The following DPP10 variants were observed in gnomAD, a reference collection of about 807,000 sequenced individuals.
DPP10 encodes dipeptidyl peptidase like 10.
Under a neutral mutation model 120.9 loss-of-function variants are expected in DPP10, and 33 were observed. The ratio of observed to expected loss-of-function variants is 0.27; its 90% confidence interval spans 0.21 to 0.37. The LOEUF is 0.37. Ranked by LOEUF, DPP10 falls within the 10% of genes least tolerant of loss-of-function variation. The probability of loss-of-function intolerance (pLI) is 1.00; values close to 1 mark genes in which losing one functional copy is unlikely to be tolerated. For missense variants in DPP10, 816 were observed against 942.8 expected (o/e 0.87, Z 1.76); for synonymous variants, 337 against 326.1 (o/e 1.03, Z -0.36).
intron 1 of DPP10, among the ~76,000 whole-genome samples, chr2:115,116,959 C>CAT (rs2049543430): frequency 6.6e-6 from 1 of 152,190 alleles, no homozygotes; most frequent in African/African-American, 2.4e-5. Flanking sequence ...ACTAATAGAA[C>CAT]ATATATATGA....
intron 1 of DPP10, among the ~76,000 whole-genome samples, chr2:114,647,257 G>A (rs1696211200): frequency 6.6e-6 from 1 of 152,158 alleles, no homozygotes; most frequent in South Asian, 2.1e-4. Context: ...TTGGGTGTAG[G>A]GGGAGAAAGA....
chr2:115,591,312 C>G (rs2082646883), intron 5 of DPP10, among the ~76,000 whole-genome samples: 2 of 152,132 alleles, frequency 1.3e-5, no homozygotes, highest in Non-Finnish European at 2.9e-5. Flanking sequence ...AGTGTTTAAT[C>G]CATCTTGAAT....
intron 5 of DPP10, among the ~76,000 whole-genome samples, chr2:115,565,789 G>GTT (rs772616101): frequency 6.3e-5 from 7 of 111,088 alleles, no homozygotes; most frequent in Non-Finnish European, 9.8e-5. Flanking sequence ...GTTTTTTTTT[G>GTT]TTTTTTTTTT....
At chr2:115,430,860 G>A (rs969244340) in intron 3 of DPP10, among the ~76,000 whole-genome samples, 1 of 152,166 alleles carries the variant, frequency 6.6e-6, no homozygotes, top group South Asian at 2.1e-4. Flanking sequence ...TATTTGACAA[G>A]TAGGACTTAA....
At chr2:115,834,746 T>G (rs947465967) in intron 21 of DPP10, among the ~76,000 whole-genome samples, 1 of 152,200 alleles carries the variant, frequency 6.6e-6, no homozygotes, top group African/African-American at 2.4e-5. Flanking sequence ...TCCTTTACTC[T>G]TCATGAGTTT....
intron 3 of DPP10, among the ~76,000 whole-genome samples, chr2:115,483,225 A>G (rs2075547883): frequency 6.6e-6 from 1 of 152,104 alleles, no homozygotes; most frequent in Non-Finnish European, 1.5e-5. Flanking sequence ...TTCATTTTTA[A>G]TATGTATTAT....
At chr2:115,501,461 C>A (rs891876107) in intron 4 of DPP10, among the ~76,000 whole-genome samples, 1 of 152,010 alleles carries the variant, frequency 6.6e-6, no homozygotes, top group Non-Finnish European at 1.5e-5. Flanking sequence ...TGTGTTATAT[C>A]TTTTTAAATC....
chr2:114,896,214 C>T (rs1459663252), intron 1 of DPP10, among the ~76,000 whole-genome samples: 10 of 152,154 alleles, frequency 6.6e-5, no homozygotes, highest in African/African-American at 7.2e-5. Context: ...CTTGGCGATG[C>T]GGGCTCTTTT....
intron 3 of DPP10, among the ~76,000 whole-genome samples, chr2:115,384,658 A>G (rs28832941): frequency 3.7e-4 from 48 of 128,414 alleles, no homozygotes; most frequent in African/African-American, 1.1e-3. Flanking sequence ...AGAAGAAGGA[A>G]GAAGAAGAAG....
At chr2:114,993,931 C>G (rs913075642) in intron 1 of DPP10, among the ~76,000 whole-genome samples, 2 of 152,076 alleles carry the variant, frequency 1.3e-5, no homozygotes, top group South Asian at 2.1e-4. Flanking sequence ...CCTTGAATAG[C>G]CTTTCCGTCA....
intron 1 of DPP10, among the ~76,000 whole-genome samples, chr2:114,598,512 A>G (rs757745655): frequency 3.3e-5 from 5 of 151,914 alleles, no homozygotes; most frequent in Non-Finnish European, 5.9e-5. Flanking sequence ...AAAGAATGCC[A>G]ACACTTAATA....
intron 1 of DPP10, among the ~76,000 whole-genome samples, chr2:115,012,094 G>C (rs1259491333): frequency 6.6e-6 from 1 of 152,042 alleles, no homozygotes; most frequent in African/African-American, 2.4e-5. Context: ...ATTGGACTGA[G>C]AACCACACCC....
At chr2:114,545,711 G>A (rs895797535) in intron 1 of DPP10, among the ~76,000 whole-genome samples, 39 of 152,084 alleles carry the variant, frequency 2.6e-4, no homozygotes, top group Admixed American at 1.9e-3. Flanking sequence ...TTTTTCAGCC[G>A]CTTGTGGTGT....
chr2:115,836,829 C>A, intron 24 of DPP10, 83 bp downstream of exon 24: 2 of 1,238,230 alleles, frequency 1.6e-6, no homozygotes, highest in Non-Finnish European at 2.3e-6. Context: ...TTACAGGAAG[C>A]CCTGTAAACC....
At chr2:115,162,106 A>T (rs1185013819) in intron 1 of DPP10, 2 of 1,508,884 alleles carry the variant, frequency 1.3e-6, no homozygotes, top group Non-Finnish European at 1.8e-6. Flanking sequence ...CCCGCTTCCC[A>T]GGCTGGGCTC....
intron 1 of DPP10, among the ~76,000 whole-genome samples, chr2:114,676,565 C>T (rs566247180): frequency 6.6e-6 from 1 of 152,138 alleles, no homozygotes; most frequent in African/African-American, 2.4e-5. Context: ...AATGTCTAGA[C>T]CAGTGCTTCT....
At chr2:115,582,859 C>G (rs1053332952) in intron 5 of DPP10, among the ~76,000 whole-genome samples, 15 of 152,188 alleles carry the variant, frequency 9.9e-5, no homozygotes, top group African/African-American at 3.6e-4. Context: ...GAATGCAAGT[C>G]TGTGCTTTTG....
intron 1 of DPP10, among the ~76,000 whole-genome samples, chr2:114,749,413 T>C (rs1011425993): frequency 1.3e-5 from 2 of 152,156 alleles, no homozygotes; most frequent in Admixed American, 6.5e-5. Flanking sequence ...TTTACTTCTA[T>C]GTTTTCACCA....
chr2:114,791,409 T>C (rs750137247), intron 1 of DPP10, among the ~76,000 whole-genome samples: 4 of 152,186 alleles, frequency 2.6e-5, no homozygotes, highest in Non-Finnish European at 4.4e-5. Context: ...AATAGTGCTT[T>C]GATTAATTTC....
Sources: gnomAD v4.1 joint callset for allele counts (sites outside exome capture counted in the v4.1 genomes callset) on GRCh38, gnomAD v4.1.1 for gene constraint, MANE v1.5 for transcripts, NCBI Gene and HGNC (gene_info 2026-07-23, HGNC 2026-07-21) for gene names.